DPP10: variants seen among roughly 807,000 people sequenced by gnomAD.
DPP10 encodes the protein dipeptidyl peptidase like 10.
A neutral mutation model predicts 120.9 loss-of-function variants in DPP10; 33 were observed. That is an observed-to-expected ratio of 0.27 (90% CI 0.21 to 0.37). The LOEUF is 0.37. Ranked by LOEUF, DPP10 falls within the 10% of genes least tolerant of loss-of-function variation. DPP10 has a pLI of 1.00. For missense variants in DPP10, 816 were observed against 942.8 expected, an observed-to-expected ratio of 0.87 and a Z score of 1.76; for synonymous variants, 337 against 326.1, an observed-to-expected ratio of 1.03 and a Z score of -0.36.
chr2:115,064,765 T>C, intron 1 of DPP10: 1 of 1,304,030 alleles, frequency 7.7e-7, no homozygotes, highest in Non-Finnish European at 1.0e-6. Flanking sequence ...GCAATGGTCA[T>C]CACAGAGGTG....
intron 1 of DPP10, among the ~76,000 whole-genome samples, chr2:114,660,939 A>C (rs1365668028): frequency 6.6e-6 from 1 of 152,250 alleles, no homozygotes; most frequent in Non-Finnish European, 1.5e-5. Flanking sequence ...TTAGCCCATC[A>C]AATGTGAAAT....
chr2:114,956,453 C>T (rs978841617), intron 1 of DPP10, among the ~76,000 whole-genome samples: 4 of 151,474 alleles, frequency 2.6e-5, no homozygotes, highest in African/African-American at 4.9e-5. Flanking sequence ...GAAGAAGAGA[C>T]AAATAAATGG....
chr2:114,649,511 G>A (rs1696412175), intron 1 of DPP10, among the ~76,000 whole-genome samples: 1 of 151,878 alleles, frequency 6.6e-6, no homozygotes, highest in Admixed American at 6.6e-5. Context: ...ACCATGCCCG[G>A]CTAATTTTTT....
intron 5 of DPP10, among the ~76,000 whole-genome samples, chr2:115,688,660 G>T (rs796072894): frequency 6.6e-6 from 1 of 152,116 alleles, no homozygotes; most frequent in African/African-American, 2.4e-5. Context: ...CCCATCTTTT[G>T]TAATTTTCCT....
At chr2:115,464,112 T>G (rs2074160600) in intron 3 of DPP10, among the ~76,000 whole-genome samples, 1 of 152,126 alleles carries the variant, frequency 6.6e-6, no homozygotes, top group African/African-American at 2.4e-5. Context: ...CAGGCCACTT[T>G]GCCGGTCCAA....
At chr2:115,699,372 C>T (rs111910850) in intron 7 of DPP10, among the ~76,000 whole-genome samples, 205 of 152,216 alleles carry the variant, frequency 1.3e-3, no homozygotes, top group African/African-American at 4.3e-3. Flanking sequence ...AAGGCCAAGG[C>T]GGGCGGATCA....
intron 5 of DPP10, among the ~76,000 whole-genome samples, chr2:115,615,640 C>G (rs998227438): frequency 5.9e-5 from 9 of 152,006 alleles, no homozygotes; most frequent in Non-Finnish European, 1.0e-4. Context: ...CTATTAAATA[C>G]AAAACTAGAG....
rs2074516697 is a variant in DPP10 at position 115,469,040 on chromosome 2, A to G, written c.272-30470A>G. ...CAGTGGTGCGATAGCTGACTACAAC[A>G]TCCACCTCCTGAGTAGCTGGGATTA... On this transcript the variant is annotated intron_variant, in intron 3 of 25. Coordinates refer to ENST00000410059, the MANE Select transcript of DPP10 (RefSeq NM_020868.6). 1.6e-5 allele frequency: 3 copies of G among 190,714 alleles called. No homozygotes were observed. The South Asian group carries it at 2.9e-4, about 18-fold the overall frequency. The allele number at this position is 190,714 out of a possible 1,614,324, so 11.8% of individuals were successfully genotyped here.
intron 1 of DPP10, among the ~76,000 whole-genome samples, chr2:114,451,051 G>A (rs1356945882): frequency 2.0e-5 from 3 of 151,926 alleles, no homozygotes; most frequent in African/African-American, 7.3e-5. Flanking sequence ...AAAGTAAATA[G>A]CATAAAATTA....
intron 5 of DPP10, among the ~76,000 whole-genome samples, chr2:115,666,683 C>T (rs1227047860): frequency 3.3e-5 from 5 of 152,214 alleles, no homozygotes; most frequent in Middle Eastern, 3.4e-3. Context: ...GTTGATTCCA[C>T]GACTTTGCTA....
At chr2:115,563,317 G>A (rs1298356463) in intron 5 of DPP10, among the ~76,000 whole-genome samples, 12 of 151,750 alleles carry the variant, frequency 7.9e-5, no homozygotes, top group Admixed American at 3.3e-4. Context: ...TCAGACTTCC[G>A]AGGACATAAA....
intron 19 of DPP10, among the ~76,000 whole-genome samples, chr2:115,803,283 G>A (rs915436062): frequency 6.6e-6 from 1 of 151,978 alleles, no homozygotes; most frequent in Non-Finnish European, 1.5e-5. Context: ...CCATTTTCTT[G>A]GTAGATCTTC....
At chr2:115,118,257 C>T (rs2049629298) in intron 1 of DPP10, among the ~76,000 whole-genome samples, 1 of 152,148 alleles carries the variant, frequency 6.6e-6, no homozygotes, top group Non-Finnish European at 1.5e-5. Flanking sequence ...GTTACTATCA[C>T]TGTAGTCTGA....
chr2:114,735,691 G>A (rs1234185330), intron 1 of DPP10, among the ~76,000 whole-genome samples: 1 of 152,054 alleles, frequency 6.6e-6, no homozygotes, highest in Non-Finnish European at 1.5e-5. Context: ...CTTCCAAGAG[G>A]AACTTTGCAG....
rs55950813 is a variant in DPP10, at chr2:115,734,655, TAAAAAA to T, written c.698-5062_698-5057del. Among the ~76,000 whole-genome samples, 218 of 100,410 alleles carry T rather than the reference TAAAAAA, an allele frequency of 2.2e-3. 3 individuals are homozygous for T. The highest frequency in any genetic ancestry group is 8.5e-3 in the African/African-American group (182 of 21,372). The allele number at this position is 100,410 out of a possible 152,430, so 65.9% of individuals were successfully genotyped here. A position where few individuals can be genotyped will look rare whatever the true frequency, so the allele number is the denominator to read the frequency against. The stretch of plus-strand genomic sequence containing the variant: ...TGGGCAACACAGTGAGACTCTGTCT[TAAAAAA>T]AAAAAAAAAAAAAAAAAAAAAGAAC... On this transcript the variant is annotated intron_variant, in intron 8 of 25. Transcript: ENST00000410059.
intron 1 of DPP10, among the ~76,000 whole-genome samples, chr2:115,125,440 A>G (rs2050022421): frequency 6.6e-6 from 1 of 152,198 alleles, no homozygotes; most frequent in Admixed American, 6.5e-5. Flanking sequence ...TGGTATTTCC[A>G]ATTTCAAGAA....
chr2:115,528,360 A>AAAAT lies in DPP10; in HGVS notation c.441+2412_441+2415dup, dbSNP rs1006113606. On this transcript the variant is annotated intron_variant, in intron 5 of 25. Transcript: ENST00000410059. ...GTACCCTAGAACTTAAAGTATAATAAAAATAAATAAATAAATAAATAAATA... is the reference window on the plus strand; with the variant it reads ...GTACCCTAGAACTTAAAGTATAATAAAAATAAATAAATAAATAAATAAATAAATA... 7.3e-4 allele frequency among the ~76,000 whole-genome samples: 110 copies of AAAAT among 151,714 alleles called. 2 individuals are homozygous for AAAAT. The highest frequency in any genetic ancestry group is 2.0e-3 in the Admixed American group (31 of 15,208).
chr2:115,500,681 T>C (rs903113473), intron 4 of DPP10, among the ~76,000 whole-genome samples: 1 of 151,980 alleles, frequency 6.6e-6, no homozygotes, highest in Non-Finnish European at 1.5e-5. Flanking sequence ...CATTTTTGGT[T>C]TTAAACTAAT....
intron 1 of DPP10, among the ~76,000 whole-genome samples, chr2:114,509,961 T>G (rs959308481): frequency 6.6e-6 from 1 of 152,238 alleles, no homozygotes; most frequent in Non-Finnish European, 1.5e-5. Flanking sequence ...CTATTTCTGT[T>G]TCTTCTTATG....
Sources: allele counts gnomAD v4.1 joint callset (sites outside exome capture counted in the v4.1 genomes callset), GRCh38; gene constraint gnomAD v4.1.1; transcripts MANE v1.5; gene names NCBI Gene and HGNC (gene_info 2026-07-23, HGNC 2026-07-21).